Variants in PRKN observed in about 807,000 individuals in gnomAD.
PRKN encodes the protein parkin RBR E3 ubiquitin protein ligase, also known as E3 ubiquitin-protein ligase parkin.
In PRKN, 56 loss-of-function variants were observed where a neutral mutation model predicts 59.5. The observed-to-expected ratio is 0.94, with a 90% CI of 0.76 to 1.18. The LOEUF is 1.18. Ranked by LOEUF, PRKN falls within the 50% of genes most tolerant of loss-of-function variation. The probability of loss-of-function intolerance (pLI) is 0.00; values close to 1 mark genes in which losing one functional copy is unlikely to be tolerated. For missense variants in PRKN, 657 were observed against 596.4 expected, an observed-to-expected ratio of 1.10 and a Z score of -1.06; for synonymous variants, 250 against 222.1, an observed-to-expected ratio of 1.13 and a Z score of -1.12.
chr6:162,240,466 G>A (rs1172759041), intron 3 of PRKN, among the ~76,000 whole-genome samples: 1 of 152,104 alleles, frequency 6.6e-6, no homozygotes, highest in Non-Finnish European at 1.5e-5. Context: ...AAATTGCTAT[G>A]TGTCTCATGG....
At chr6:162,646,709 C>A (rs533605149) in intron 1 of PRKN, among the ~76,000 whole-genome samples, 1 of 152,104 alleles carries the variant, frequency 6.6e-6, no homozygotes, top group African/African-American at 2.4e-5. Flanking sequence ...TTGCACAGAC[C>A]CAGCTGGTAT....
intron 4 of PRKN, among the ~76,000 whole-genome samples, chr6:162,117,880 T>C (rs1481621447): frequency 6.6e-6 from 1 of 152,046 alleles, no homozygotes; most frequent in East Asian, 1.9e-4. Context: ...GTGGATTGCC[T>C]GAGGTCAGGA....
rs138125971 is a variant in PRKN at position 162,528,576 on chromosome 6, G to C, written c.8-85103C>G. Among the ~76,000 whole-genome samples the C allele has an allele frequency of 5.3e-5, 8 of 152,120 alleles. No homozygotes were observed. The East Asian group carries it at 1.4e-3, about 26-fold the overall frequency. Reference sequence around the variant, plus strand: ...AGTGTAAATTTAAAGTATCATGTACGCAACACCACAGAAAAGATACTGTCT... The same window carrying C: ...AGTGTAAATTTAAAGTATCATGTACCCAACACCACAGAAAAGATACTGTCT... On this transcript the variant is annotated intron_variant, in intron 1 of 11. Transcript: ENST00000366898.
chr6:161,837,333 G>A (rs114129614), intron 6 of PRKN, among the ~76,000 whole-genome samples: 2,996 of 152,196 alleles, frequency 0.02, 111 homozygotes, highest in African/African-American at 0.068. Context: ...GAAGAGAAAC[G>A]CTCTACCCCT....
intron 1 of PRKN, among the ~76,000 whole-genome samples, chr6:162,479,857 G>T (rs556892788): frequency 5.1e-4 from 78 of 151,976 alleles, no homozygotes; most frequent in African/African-American, 1.9e-3. Context: ...ACGAGGTCAA[G>T]AGATTGAGAC....
rs571704818 is a variant in PRKN at position 162,250,619 on chromosome 6, C to T, written c.412+11906G>A. ...CAGATTCCCTTCACTTATATCAACC[C>T]ATTCACTTTCATCTAATTGTTTCAT... On this transcript the variant is annotated intron_variant, in intron 3 of 11. Transcript: ENST00000366898. 1.6e-4 allele frequency among the ~76,000 whole-genome samples: 25 copies of T among 152,282 alleles called. No homozygotes were observed. The East Asian group carries it at 4.8e-3, about 29-fold the overall frequency.
chr6:162,334,573 C>T (rs1312815498), intron 2 of PRKN, among the ~76,000 whole-genome samples: 1 of 152,174 alleles, frequency 6.6e-6, no homozygotes. Context: ...CAACTGGTCA[C>T]CCGAAAGATA....
chr6:162,705,343 T>C (rs1778301775), intron 1 of PRKN, among the ~76,000 whole-genome samples: 1 of 152,174 alleles, frequency 6.6e-6, no homozygotes, highest in Non-Finnish European at 1.5e-5. Context: ...GCCATAGATG[T>C]AAATGTGAGA....
chr6:162,304,344 T>C (rs925194700), intron 2 of PRKN, among the ~76,000 whole-genome samples: 1 of 150,962 alleles, frequency 6.6e-6, no homozygotes, highest in Non-Finnish European at 1.5e-5. Flanking sequence ...CCCTCTTTGT[T>C]AATGACCACT....
At chr6:162,092,748 T>C (rs989918923) in intron 4 of PRKN, among the ~76,000 whole-genome samples, 4 of 152,204 alleles carry the variant, frequency 2.6e-5, no homozygotes, top group Admixed American at 6.5e-5. Flanking sequence ...AGCTACCTCA[T>C]AGATTCTAAA....
intron 6 of PRKN, among the ~76,000 whole-genome samples, chr6:161,819,685 A>C (rs2128215773): frequency 6.6e-6 from 1 of 152,308 alleles, no homozygotes; most frequent in East Asian, 1.9e-4. Context: ...TGTCAGTACA[A>C]TAGTGCTATT....
intron 7 of PRKN, among the ~76,000 whole-genome samples, chr6:161,613,635 C>CCTG (rs1782567100): frequency 1.3e-5 from 2 of 152,102 alleles, no homozygotes; most frequent in Non-Finnish European, 2.9e-5. Flanking sequence ...TTGCCACAGC[C>CCTG]ACGTCAAGCT....
chr6:162,552,243 A>G (rs1779359040), intron 1 of PRKN, among the ~76,000 whole-genome samples: 3 of 151,928 alleles, frequency 2.0e-5, no homozygotes, highest in Admixed American at 2.0e-4. Context: ...TCATGGCTAT[A>G]CTGGCCAGGA....
In PRKN at chr6:161,699,673, G is replaced by A. The variant is rs77951557; in HGVS notation, c.871+86099C>T. Among the ~76,000 whole-genome samples, 20 of 152,216 alleles carry A rather than the reference G, an allele frequency of 1.3e-4. No individual in the cohort carries two copies. In the East Asian group the frequency reaches 3.9e-3, roughly 29 times the overall value. On this transcript the variant is annotated intron_variant, in intron 7 of 11. Transcript: ENST00000366898. ...AATTTCAGGAAATGCAAAGTAATCT[G>A]CATTGACAACAAGCACAGTGGTTGC...
At chr6:161,894,599 C>T (rs1053836740) in intron 6 of PRKN, among the ~76,000 whole-genome samples, 30 of 152,154 alleles carry the variant, frequency 2.0e-4, no homozygotes, top group Non-Finnish European at 3.7e-4. Context: ...TCATGCATTT[C>T]TCCATGTCTG....
At chr6:161,919,008 T>A (rs1044580275) in intron 6 of PRKN, among the ~76,000 whole-genome samples, 1 of 152,166 alleles carries the variant, frequency 6.6e-6, no homozygotes, top group Non-Finnish European at 1.5e-5. Flanking sequence ...ACACGACTGT[T>A]AGAGCCAGCA....
chr6:161,724,558 C>T (rs1256525861), intron 7 of PRKN, among the ~76,000 whole-genome samples: 3 of 152,200 alleles, frequency 2.0e-5, no homozygotes, highest in African/African-American at 7.2e-5. Context: ...AAGCCTGATA[C>T]ATTTTATCTA....
chr6:161,439,679 C>T (rs1028570513), intron 9 of PRKN, among the ~76,000 whole-genome samples: 2 of 146,490 alleles, frequency 1.4e-5, no homozygotes, highest in African/African-American at 5.1e-5. Flanking sequence ...TAGAAGTGTA[C>T]CTTTGGTGAA....
intron 5 of PRKN, among the ~76,000 whole-genome samples, chr6:161,984,539 A>G (rs1325920687): frequency 6.6e-6 from 1 of 152,090 alleles, no homozygotes; most frequent in Non-Finnish European, 1.5e-5. Context: ...GGTGTGAGCC[A>G]CCCTAATCCC....
Sources: gnomAD v4.1 joint callset for allele counts (sites outside exome capture counted in the v4.1 genomes callset) on GRCh38, gnomAD v4.1.1 for gene constraint, MANE v1.5 for transcripts, NCBI Gene and HGNC (gene_info 2026-07-23, HGNC 2026-07-21) for gene names.